SMAD9: variants seen among roughly 807,000 people sequenced by gnomAD.
SMAD9 encodes the protein MAD homolog 9.
A neutral mutation model predicts 46.1 loss-of-function variants in SMAD9; 36 were observed. That is an observed-to-expected ratio of 0.78 (90% CI 0.60 to 1.03). The LOEUF is 1.03. Ranked by LOEUF, SMAD9 falls within the 50% of genes least tolerant of loss-of-function variation. SMAD9 has a pLI of 0.00. For missense variants in SMAD9, 572 were observed against 599.8 expected (o/e 0.95, Z 0.48); for synonymous variants, 245 against 237.1 (o/e 1.03, Z -0.31).
At position 36,879,513 on chromosome 13, in the gene SMAD9, G is replaced by C. The variant is rs1477272193; in HGVS notation, c.177C>G (p.Leu59=). ...KGAMDELERA[L]SCPGQPSKCV... ...ATTTGCTGGGCTGCCCCGGGCAGCT[G>C]AGAGCCCTCTCCAGCTCGTCCATGG... is the stretch of plus-strand genomic sequence containing the variant. Residue 59 remains leucine, a synonymous_variant, in exon 2 of 7, where the codon CTC becomes CTG. Transcript: ENST00000379826. 3.1e-6 allele frequency: 5 copies of C among 1,614,118 alleles called. No homozygotes were observed. The highest frequency in any genetic ancestry group is 4.2e-6 in the Non-Finnish European group (5 of 1,180,030).
chr13:36,905,040 C>A (rs977249256), intron 1 of SMAD9, among the ~76,000 whole-genome samples: 1 of 152,198 alleles, frequency 6.6e-6, no homozygotes, highest in Non-Finnish European at 1.5e-5. Context: ...TGAGGGAAGA[C>A]GGAGATGATT....
rs548959159 is a variant in SMAD9 at position 36,855,368 on chromosome 13, A to G, written c.1004-1693T>C. On this transcript the variant is annotated intron_variant, in intron 5 of 6. Transcript: ENST00000379826. Reference sequence around the variant, plus strand: ...TTCCCTCTAAATGTCTGGGTTTGAGATTTAATATAAATGTATAGCGAGGGA... The same window carrying G: ...TTCCCTCTAAATGTCTGGGTTTGAGGTTTAATATAAATGTATAGCGAGGGA... Among the ~76,000 whole-genome samples, 44 of 151,764 alleles carry G rather than the reference A, an allele frequency of 2.9e-4. No homozygotes were observed. In the East Asian group the frequency reaches 3.5e-3, roughly 12 times the overall value.
At chr13:36,917,133 C>A (rs1470445825) in intron 1 of SMAD9, among the ~76,000 whole-genome samples, 3 of 151,994 alleles carry the variant, frequency 2.0e-5, no homozygotes, top group Non-Finnish European at 4.4e-5. Context: ...TGAAGACCAC[C>A]AAGCAAGAAG....
At chr13:36,897,143 T>C (rs1041160313) in intron 1 of SMAD9, among the ~76,000 whole-genome samples, 1 of 152,180 alleles carries the variant, frequency 6.6e-6, no homozygotes, top group Non-Finnish European at 1.5e-5. Context: ...TTACATAAGT[T>C]CTATGGTAAT....
chr13:36,873,019 C>G (rs2058311305), intron 2 of SMAD9, 104 bp from the exon 3 acceptor site: 1 of 1,341,066 alleles, frequency 7.5e-7, no homozygotes, highest in Admixed American at 1.9e-5. Context: ...TATGATAGAG[C>G]TGTTTTTCCC....
At chr13:36,855,642 G>A (rs2058117041) in intron 5 of SMAD9, among the ~76,000 whole-genome samples, 1 of 152,162 alleles carries the variant, frequency 6.6e-6, no homozygotes, top group South Asian at 2.1e-4. Context: ...AGGGCCTCGT[G>A]TGCATGACTC....
intron 1 of SMAD9, among the ~76,000 whole-genome samples, chr13:36,916,467 G>A (rs542717033): frequency 1.2e-4 from 19 of 152,308 alleles, no homozygotes; most frequent in Admixed American, 3.9e-4. Context: ...CCTCAGCTCA[G>A]ATTCAACACC....
intron 3 of SMAD9, among the ~76,000 whole-genome samples, chr13:36,869,518 G>A (rs1056026526): frequency 6.6e-5 from 10 of 151,718 alleles, no homozygotes; most frequent in East Asian, 2.0e-4. Flanking sequence ...CACTGCACCC[G>A]GCTAGACTGT....
intron 5 of SMAD9, among the ~76,000 whole-genome samples, chr13:36,859,432 G>C (rs2058158042): frequency 6.6e-6 from 1 of 152,154 alleles, no homozygotes; most frequent in Admixed American, 6.5e-5. Flanking sequence ...GGATGAGATA[G>C]GTTGGCACAA....
chr13:36,854,348 C>T (rs1041851769), intron 5 of SMAD9, among the ~76,000 whole-genome samples: 5 of 149,956 alleles, frequency 3.3e-5, no homozygotes, highest in African/African-American at 5.0e-5. Context: ...TCAAGTAATC[C>T]TTCATTGTAC....
At chr13:36,869,795 C>T (rs1191667508) in intron 3 of SMAD9, among the ~76,000 whole-genome samples, 1 of 151,150 alleles carries the variant, frequency 6.6e-6, no homozygotes, top group Non-Finnish European at 1.5e-5. Context: ...TGCCATTGCA[C>T]TCCAGCCTGG....
intron 1 of SMAD9, among the ~76,000 whole-genome samples, chr13:36,899,467 T>C (rs767135557): frequency 1.3e-5 from 2 of 152,200 alleles, no homozygotes; most frequent in African/African-American, 2.4e-5. Flanking sequence ...ATCTTGACTA[T>C]TGACTAGGAA....
At chr13:36,885,405 A>G (rs918130746) in intron 1 of SMAD9, among the ~76,000 whole-genome samples, 2 of 151,660 alleles carry the variant, frequency 1.3e-5, no homozygotes, top group Non-Finnish European at 2.9e-5. Flanking sequence ...ACACACACGT[A>G]TATTTAATTC....
chr13:36,897,662 T>C (rs567820728), intron 1 of SMAD9, among the ~76,000 whole-genome samples: 4 of 152,230 alleles, frequency 2.6e-5, no homozygotes, highest in African/African-American at 7.2e-5. Context: ...AAAAACAAAA[T>C]GTAGAAAAAT....
intron 1 of SMAD9, among the ~76,000 whole-genome samples, chr13:36,883,922 CCCT>C (rs2058424411): frequency 6.6e-6 from 1 of 152,078 alleles, no homozygotes; most frequent in Non-Finnish European, 1.5e-5. Context: ...GGACTTCACC[CCCT>C]CCTCATTTGC....
rs2058048092 is a variant in SMAD9 at position 36,848,102 on chromosome 13, T to TATG, written c.*571_*573dup. On this transcript the variant is annotated 3_prime_UTR_variant, in exon 7 of 7. Coordinates refer to ENST00000379826, the MANE Select transcript of SMAD9 (RefSeq NM_001127217.3). ...AGTTTGTTTAAAATGTACCACTGAATATGAGCACAGGAGCCCAGCTATAGG... is the reference window on the plus strand; with the variant it reads ...AGTTTGTTTAAAATGTACCACTGAATATGATGAGCACAGGAGCCCAGCTATAGG... 6.5e-6 allele frequency: 1 copy of TATG among 153,254 alleles called. No individual in the cohort carries two copies. Among genetic ancestry groups the TATG allele is most frequent in the Non-Finnish European group, 1.5e-5 (1 of 68,752 alleles). The allele number at this position is 153,254 out of a possible 1,614,324, so 9.5% of individuals were successfully genotyped here.
rs201033254 is a variant in SMAD9 at position 36,879,602 on chromosome 13, C to T, written c.88G>A (p.Glu30Lys). The T allele has an allele frequency of 1.6e-5, 26 of 1,614,246 alleles. No individual in the cohort carries two copies. The East Asian group carries it at 5.8e-4, about 36-fold the overall frequency. The change falls in exon 2 of 7, where the codon GAG (glutamate) becomes AAG (lysine). Residue 30 changes from glutamate (E) to lysine (K), a missense_variant. Coordinates refer to ENST00000379826, the MANE Select transcript of SMAD9 (RefSeq NM_001127217.3). ...ACTGCCTTCTCTGCCCACTTTTCCT[C>T]TTCATCTCCTTGCTTCCAGCCTAGC... Reference protein sequence around the residue: ...RLLGWKQGDEEEKWAEKAVDS... With the variant: ...RLLGWKQGDEKEKWAEKAVDS...
chr13:36,916,305 C>A (rs2058698279), intron 1 of SMAD9, among the ~76,000 whole-genome samples: 1 of 152,162 alleles, frequency 6.6e-6, no homozygotes, highest in African/African-American at 2.4e-5. Flanking sequence ...TACTAAATGG[C>A]TTCCATTGTG....
At chr13:36,856,798 C>CTTTTTT (rs34107763) in intron 5 of SMAD9, among the ~76,000 whole-genome samples, 7 of 123,406 alleles carry the variant, frequency 5.7e-5, no homozygotes, top group African/African-American at 2.3e-4. Flanking sequence ...GTGACCTGCA[C>CTTTTTT]TTTTTTTTTT....
Sources: gnomAD v4.1 joint callset for allele counts (sites outside exome capture counted in the v4.1 genomes callset) on GRCh38, gnomAD v4.1.1 for gene constraint, MANE v1.5 for transcripts, NCBI Gene and HGNC (gene_info 2026-07-23, HGNC 2026-07-21) for gene names.